Variants in MAPK8 observed in about 807,000 individuals in gnomAD.
MAPK8 encodes the protein JUN N-terminal kinase.
Under a neutral mutation model 52.9 loss-of-function variants are expected in MAPK8, and 13 were observed. The ratio of observed to expected loss-of-function variants is 0.25; its 90% CI spans 0.16 to 0.39. The LOEUF is 0.39. Ranked by LOEUF, MAPK8 falls within the 10% of genes least tolerant of loss-of-function variation. The pLI is 1.00. For missense variants in MAPK8, 300 were observed against 519.2 expected (o/e 0.58, Z 4.10); for synonymous variants, 191 against 169.8 (o/e 1.12, Z -0.97).
intron 9 of MAPK8, chr10:48,426,764 G>A (rs1419590352): frequency 6.1e-6 from 3 of 495,752 alleles, no homozygotes; most frequent in African/African-American, 5.9e-5. Context: ...TGAATGCTCT[G>A]GGGGAACATC....
chr10:48,379,013 C>T (rs930432272), intron 1 of MAPK8, among the ~76,000 whole-genome samples: 3 of 152,192 alleles, frequency 2.0e-5, no homozygotes, highest in Admixed American at 6.5e-5. Flanking sequence ...GATTTATTTG[C>T]ATAAAGTGCA....
intron 1 of MAPK8, among the ~76,000 whole-genome samples, chr10:48,355,468 C>T (rs1047338560): frequency 6.8e-6 from 1 of 146,310 alleles, no homozygotes; most frequent in Admixed American, 6.8e-5. Flanking sequence ...GAGATTGCGC[C>T]ACTGCACTCC....
chr10:48,361,028 A>G (rs1429064210), intron 1 of MAPK8, among the ~76,000 whole-genome samples: 3 of 152,172 alleles, frequency 2.0e-5, no homozygotes, highest in East Asian at 1.9e-4. Flanking sequence ...ATCTGTAATC[A>G]TGATGAAGTG....
intron 11 of MAPK8, among the ~76,000 whole-genome samples, chr10:48,431,519 G>C (rs547131698): frequency 6.6e-6 from 1 of 152,090 alleles, no homozygotes; most frequent in South Asian, 2.1e-4. Context: ...AAAACTTTTT[G>C]TTGGCATTGT....
intron 1 of MAPK8, among the ~76,000 whole-genome samples, chr10:48,387,614 C>A (rs1742483028): frequency 1.3e-5 from 2 of 152,066 alleles, no homozygotes; most frequent in Non-Finnish European, 2.9e-5. Context: ...TCCAGCTGTA[C>A]CTGTCTTGAC....
chr10:48,416,357 T>C (rs1396314805), intron 5 of MAPK8, among the ~76,000 whole-genome samples: 2 of 152,204 alleles, frequency 1.3e-5, no homozygotes, highest in Non-Finnish European at 2.9e-5. Context: ...AAGCTAGCCA[T>C]AGACTTGCTT....
At chr10:48,330,746 C>T (rs775171268) in intron 1 of MAPK8, among the ~76,000 whole-genome samples, 17 of 152,114 alleles carry the variant, frequency 1.1e-4, no homozygotes, top group Admixed American at 2.6e-4. Flanking sequence ...ACAGTCTTCC[C>T]GGACGTTGCC....
intron 3 of MAPK8, among the ~76,000 whole-genome samples, chr10:48,406,774 T>C (rs1357876341): frequency 2.0e-5 from 3 of 152,252 alleles, no homozygotes; most frequent in African/African-American, 7.2e-5. Context: ...CTTGAGTTTC[T>C]TTTTTAATCT....
rs776796759 is a variant in MAPK8, at chr10:48,426,074, C to T, written c.871+4C>T. 1 of 1,604,494 alleles carries T rather than the reference C, an allele frequency of 6.2e-7. No individual in the cohort carries two copies. Among genetic ancestry groups the T allele is most frequent in the Admixed American group, 1.7e-5 (1 of 58,924 alleles). ...TCAGAACACAACAAACTTAAAGGTA[C>T]TTTTTACAAATATGTACATTTAATC... On this transcript the variant is annotated splice_donor_region_variant and intron_variant, in intron 8 of 11. Transcript: ENST00000374189.
intron 5 of MAPK8, among the ~76,000 whole-genome samples, chr10:48,412,798 C>T (rs2042829879): frequency 2.6e-5 from 4 of 152,130 alleles, no homozygotes; most frequent in Non-Finnish European, 1.5e-5. Context: ...GTAGTAAATA[C>T]ATATAAAATG....
At chr10:48,406,958 C>G (rs1011685836) in intron 3 of MAPK8, among the ~76,000 whole-genome samples, 1 of 152,156 alleles carries the variant, frequency 6.6e-6, no homozygotes, top group Non-Finnish European at 1.5e-5. Flanking sequence ...CATCTGACTC[C>G]CGTTGTCTTT....
chr10:48,347,478 A>G (rs1564512621), intron 1 of MAPK8, among the ~76,000 whole-genome samples: 1 of 152,118 alleles, frequency 6.6e-6, no homozygotes, highest in East Asian at 1.9e-4. Flanking sequence ...TACACGTGGC[A>G]TGGTGGTTTG....
chr10:48,393,716 T>G (rs552149232), intron 1 of MAPK8, among the ~76,000 whole-genome samples: 1 of 152,090 alleles, frequency 6.6e-6, no homozygotes, highest in African/African-American at 2.4e-5. Flanking sequence ...GCAATGATGC[T>G]TAAATGCTTA....
intron 1 of MAPK8, among the ~76,000 whole-genome samples, chr10:48,378,666 G>A (rs975260059): frequency 2.6e-5 from 4 of 151,952 alleles, no homozygotes; most frequent in Non-Finnish European, 5.9e-5. Context: ...AATAACAGGT[G>A]TGTTATAGTT....
intron 1 of MAPK8, among the ~76,000 whole-genome samples, chr10:48,398,874 C>A (rs536635582): frequency 1.3e-5 from 2 of 152,114 alleles, no homozygotes; most frequent in East Asian, 3.9e-4. Context: ...GGAGATTGAC[C>A]ATATAGGGAA....
intron 1 of MAPK8, among the ~76,000 whole-genome samples, chr10:48,398,164 AC>A: frequency 6.6e-6 from 1 of 152,196 alleles, no homozygotes; most frequent in Non-Finnish European, 1.5e-5. Context: ...AAATAAAAAG[AC>A]ATTGTTAAGA....
intron 1 of MAPK8, among the ~76,000 whole-genome samples, chr10:48,342,006 C>T (rs1845325688): frequency 2.0e-5 from 3 of 152,214 alleles, no homozygotes; most frequent in Admixed American, 6.5e-5. Context: ...AGTTGGACTG[C>T]AGAGAGCAAT....
intron 1 of MAPK8, among the ~76,000 whole-genome samples, chr10:48,323,014 T>C (rs143447497): frequency 9.7e-4 from 148 of 152,338 alleles, no homozygotes; most frequent in African/African-American, 3.5e-3. Flanking sequence ...TCAAGGTTTA[T>C]GTCATAAGAT....
chr10:48,349,194 A>C (rs1328374274), intron 1 of MAPK8, among the ~76,000 whole-genome samples: 1 of 152,126 alleles, frequency 6.6e-6, no homozygotes, highest in East Asian at 1.9e-4. Flanking sequence ...CTTAATACCC[A>C]ACTGTCAATA....
Sources: allele counts gnomAD v4.1 joint callset (sites outside exome capture counted in the v4.1 genomes callset), GRCh38; gene constraint gnomAD v4.1.1; transcripts MANE v1.5; gene names NCBI Gene and HGNC (gene_info 2026-07-23, HGNC 2026-07-21).